GDI2: variants seen among roughly 807,000 people sequenced by gnomAD.
GDI2 encodes GDP dissociation inhibitor 2.
In GDI2, 22 loss-of-function variants were observed where a neutral mutation model predicts 54.2. The ratio of observed to expected loss-of-function variants is 0.41; its 90% CI spans 0.29 to 0.58. The LOEUF (loss-of-function observed/expected upper bound fraction) is 0.58, where lower values mean the gene tolerates loss of function less well. Among genes scored for constraint, GDI2 ranks in the 20% least tolerant of loss-of-function variants. The pLI is 0.35. For missense variants in GDI2, 422 were observed against 546.0 expected (o/e 0.77, Z 2.26); for synonymous variants, 177 against 182.1 (o/e 0.97, Z 0.23).
At chr10:5,805,877 G>A (rs1265893386) in intron 1 of GDI2, among the ~76,000 whole-genome samples, 2 of 152,198 alleles carry the variant, frequency 1.3e-5, no homozygotes, top group African/African-American at 4.8e-5. Context: ...AGATGCAGCT[G>A]ATCTATGCAG....
chr10:5,801,406 T>C (rs1841267066), intron 1 of GDI2, among the ~76,000 whole-genome samples: 1 of 152,076 alleles, frequency 6.6e-6, no homozygotes, highest in Admixed American at 6.5e-5. Context: ...GTGGGCACAG[T>C]GGCTCACGCC....
At chr10:5,811,492 C>T (rs1410627238) in intron 1 of GDI2, among the ~76,000 whole-genome samples, 1 of 152,176 alleles carries the variant, frequency 6.6e-6, no homozygotes, top group Non-Finnish European at 1.5e-5. Flanking sequence ...CTCGTGCATG[C>T]TTAACTGACC....
chr10:5,794,163 T>C (rs1440010298), intron 4 of GDI2, among the ~76,000 whole-genome samples: 1 of 85,420 alleles, frequency 1.2e-5, no homozygotes, highest in African/African-American at 4.7e-5. Flanking sequence ...CGAGACTCTG[T>C]CTTTAAAAGA....
intron 5 of GDI2, 38 bp from the exon 6 acceptor site, chr10:5,785,311 G>A: frequency 6.9e-7 from 1 of 1,456,816 alleles, no homozygotes; most frequent in Non-Finnish European, 9.5e-7. Context: ...AAGGGCTTTA[G>A]TTTTCATTCA....
intron 4 of GDI2, among the ~76,000 whole-genome samples, chr10:5,791,740 CA>C (rs770101977): frequency 1.3e-5 from 1 of 76,372 alleles, no homozygotes; most frequent in African/African-American, 4.5e-5. Flanking sequence ...AACTCCGTCT[CA>C]AAAAAAAAGA....
Position 5,776,949 on chromosome 10 carries a change from A to G in GDI2, c.720-3008T>C, listed in dbSNP as rs893177188. On this transcript the variant is annotated intron_variant, in intron 6 of 10. Transcript: ENST00000380191. This position sits in a 1 kb window ranked among gnomAD's most constrained non-coding sequence, Gnocchi z 5.3. ...AAAATTAAAAGGGAAAACCACATAG[A>G]AGGGTAATCCCGGAAATGCTTCATC... is the stretch of plus-strand genomic sequence containing the variant. 1 of 569,810 alleles carries G rather than the reference A, an allele frequency of 1.8e-6. No individual in the cohort carries two copies. The highest frequency in any genetic ancestry group is 1.9e-5 in the African/African-American group (1 of 52,186). The allele number at this position is 569,810 out of a possible 1,614,324, so 35.3% of individuals were successfully genotyped here.
intron 6 of GDI2, among the ~76,000 whole-genome samples, chr10:5,779,392 C>T (rs1461906320): frequency 6.6e-6 from 1 of 151,770 alleles, no homozygotes; most frequent in African/African-American, 2.4e-5. Flanking sequence ...CCTGTAATCC[C>T]AGCTACTTGG....
intron 1 of GDI2, among the ~76,000 whole-genome samples, chr10:5,804,093 TTTC>T (rs1048196480): frequency 1.5e-4 from 10 of 66,092 alleles, no homozygotes; most frequent in Non-Finnish European, 2.6e-4. Context: ...TGAATCATTC[TTTC>T]TTTTTTTTTT....
chr10:5,767,038 TTACAG>T (rs1007524936), intron 8 of GDI2, among the ~76,000 whole-genome samples: 1 of 152,200 alleles, frequency 6.6e-6, no homozygotes, highest in Non-Finnish European at 1.5e-5. Flanking sequence ...CATTTACTTA[TTACAG>T]TAATGTAAAA....
At chr10:5,778,947 C>A (rs1427210196) in intron 6 of GDI2, among the ~76,000 whole-genome samples, 1 of 152,182 alleles carries the variant, frequency 6.6e-6, no homozygotes, top group Non-Finnish European at 1.5e-5. Context: ...ACTATCAATT[C>A]ATGTGTCCAG....
chr10:5,765,556 A>G lies in GDI2; in HGVS notation c.*450T>C, dbSNP rs1489941748. 6.5e-6 allele frequency: 1 copy of G among 152,820 alleles called. No homozygotes were observed. Among genetic ancestry groups the G allele is most frequent in the African/African-American group, 2.4e-5 (1 of 41,442 alleles). 9.5% of individuals were successfully genotyped at this position (152,820 alleles called of 1,614,324 possible). Reference sequence around the variant, plus strand: ...TGCCATAACATTTGACATAATACAAAATATAAAGTCATAGGGAAAACTTCC... The same window carrying G: ...TGCCATAACATTTGACATAATACAAGATATAAAGTCATAGGGAAAACTTCC... On this transcript the variant is annotated 3_prime_UTR_variant, in exon 11 of 11. Coordinates refer to ENST00000380191, the MANE Select transcript of GDI2 (RefSeq NM_001494.4).
Position 5,768,564 on chromosome 10 carries a change from A to G in GDI2, c.820-180T>C. 2 of 582,666 alleles carry G rather than the reference A, an allele frequency of 3.4e-6. No homozygotes were observed. The highest frequency in any genetic ancestry group is 6.1e-6 in the Non-Finnish European group (2 of 328,368). 36.1% of individuals were successfully genotyped at this position (582,666 alleles called of 1,614,324 possible). A position where few individuals can be genotyped will look rare whatever the true frequency, so the allele number is the denominator to read the frequency against. ...AAACAATCTTAAAAGAAGAACAGCA[A>G]AGCTGGAGGACTCACTCACTAAAAA... On this transcript the variant is annotated intron_variant, in intron 7 of 10. Transcript: ENST00000380191. The surrounding 1 kb of genome is among the most constrained non-coding windows in gnomAD (Gnocchi z 4.4).
chr10:5,812,153 G>A (rs1272058739), intron 1 of GDI2, among the ~76,000 whole-genome samples: 1 of 149,890 alleles, frequency 6.7e-6, no homozygotes, highest in African/African-American at 2.5e-5. Flanking sequence ...CCCAAAAATT[G>A]ATAGTTAAAA....
At chr10:5,808,533 G>A (rs920658812) in intron 1 of GDI2, among the ~76,000 whole-genome samples, 2 of 151,668 alleles carry the variant, frequency 1.3e-5, no homozygotes, top group Admixed American at 6.6e-5. Flanking sequence ...AAAATTAGCC[G>A]GGCGTGGTGG....
At chr10:5,807,102 T>A (rs1841394374) in intron 1 of GDI2, among the ~76,000 whole-genome samples, 1 of 152,224 alleles carries the variant, frequency 6.6e-6, no homozygotes, top group African/African-American at 2.4e-5. Flanking sequence ...AGTTCCTCTA[T>A]ACCCAACTAT....
intron 6 of GDI2, among the ~76,000 whole-genome samples, chr10:5,775,741 C>G (rs1840603784): frequency 2.0e-5 from 3 of 152,178 alleles, no homozygotes; most frequent in Admixed American, 2.0e-4. Context: ...AAAAATGTGT[C>G]TGAAGTTTAA....
At chr10:5,780,987 C>G (rs1457133377) in intron 6 of GDI2, among the ~76,000 whole-genome samples, 1 of 152,102 alleles carries the variant, frequency 6.6e-6, no homozygotes, top group African/African-American at 2.4e-5. Flanking sequence ...TACTTCAAGA[C>G]TTAATATAAA....
chr10:5,768,278 T>C lies in GDI2; in HGVS notation c.926A>G (p.Lys309Arg), dbSNP rs1158541394. ...RVICILSHPI[K>R]NTNDANSCQI... ...GCAGGAGTTGGCATCATTGGTGTTC[T>C]TGATGGGGTGGCTGAGGATGCAAAT... The change falls in exon 8 of 11, where the codon AAG becomes AGG. Residue 309 changes from lysine to arginine, a missense_variant. By Grantham distance (26) the Lys-to-Arg change is conservative. Transcript: ENST00000380191. The surrounding 1 kb of genome is among the most constrained non-coding windows in gnomAD (Gnocchi z 4.4). 1.2e-6 allele frequency: 2 copies of C among 1,611,216 alleles called. No homozygotes were observed. Among genetic ancestry groups the C allele is most frequent in the South Asian group, 2.2e-5 (2 of 91,034 alleles).
intron 7 of GDI2, among the ~76,000 whole-genome samples, chr10:5,773,493 T>A (rs1840545672): frequency 6.6e-6 from 1 of 152,132 alleles, no homozygotes. Context: ...TAATTCACAT[T>A]TGAGAAATGC....
Sources: allele counts gnomAD v4.1 joint callset (sites outside exome capture counted in the v4.1 genomes callset), GRCh38; gene constraint gnomAD v4.1.1; non-coding constraint Gnocchi (gnomAD v3.1); transcripts MANE v1.5; gene names NCBI Gene and HGNC (gene_info 2026-07-23, HGNC 2026-07-21).